The following GTPBP10 variants were observed in gnomAD, a reference collection of about 807,000 sequenced individuals.
GTPBP10 encodes GTP-binding protein 10.
GTPBP10 carries 38 observed loss-of-function variants against 44.8 expected under a neutral mutation model. The ratio of observed to expected loss-of-function variants is 0.85; its 90% CI spans 0.65 to 1.11. The LOEUF (loss-of-function observed/expected upper bound fraction) is 1.11. Ranked by LOEUF, GTPBP10 falls within the 50% of genes most tolerant of loss-of-function variation. The pLI is 0.00. For synonymous variants in GTPBP10, 152 were observed against 150.6 expected (o/e 1.01, Z -0.07); for missense variants, 462 against 453.7 (o/e 1.02, Z -0.17).
At chr7:90,380,708 A>G (rs748237274) in intron 8 of GTPBP10, among the ~76,000 whole-genome samples, 6 of 152,208 alleles carry the variant, frequency 3.9e-5, no homozygotes, top group African/African-American at 1.2e-4. Context: ...TACATTAACT[A>G]TAGTCATCAT....
At chr7:90,384,127 A>G (rs974968350) in intron 9 of GTPBP10, among the ~76,000 whole-genome samples, 1 of 152,168 alleles carries the variant, frequency 6.6e-6, no homozygotes, top group South Asian at 2.1e-4. Flanking sequence ...GTTCTGACCT[A>G]TCGTGAAATA....
Position 90,361,057 on chromosome 7 carries a change from T to C in GTPBP10, c.464+5827T>C, listed in dbSNP as rs575235853. On this transcript the variant is annotated intron_variant, in intron 4 of 9. Transcript: ENST00000222511. ...GGCTGAGACGATGGTGTTTTCTAAATATACAATCTTGTCATCTTCAAACAG... is the reference window on the plus strand; with the variant it reads ...GGCTGAGACGATGGTGTTTTCTAAACATACAATCTTGTCATCTTCAAACAG... Among the ~76,000 whole-genome samples the C allele has an allele frequency of 2.6e-5, 4 of 152,334 alleles. No homozygotes were observed. The East Asian group carries it at 7.7e-4, about 29-fold the overall frequency.
At chr7:90,366,023 A>G (rs530597550) in intron 4 of GTPBP10, among the ~76,000 whole-genome samples, 16 of 152,272 alleles carry the variant, frequency 1.1e-4, no homozygotes, top group African/African-American at 3.8e-4. Flanking sequence ...TGAGATAATC[A>G]TGTGGTTTTT....
chr7:90,360,161 A>G (rs1795986319), intron 4 of GTPBP10, among the ~76,000 whole-genome samples: 1 of 151,858 alleles, frequency 6.6e-6, no homozygotes, highest in Admixed American at 6.6e-5. Context: ...CCATTTGTCA[A>G]TTTTGTCTTT....
rs1796362502 is a variant in GTPBP10, at chr7:90,377,587, A to G, written c.672A>G (p.Ile224Met). Reference sequence around the variant, plus strand: ...TGGGCCACAAATTCCTCAAGCATATAGAAAGAACTAGACAACTACTTTTTG... The same window carrying G: ...TGGGCCACAAATTCCTCAAGCATATGGAAAGAACTAGACAACTACTTTTTG... ...KGMGHKFLKH[I>M]ERTRQLLFVV... is the part of the protein sequence containing the mutation. Residue 224 changes from isoleucine to methionine, a missense_variant, in exon 7 of 10, where the codon ATA becomes ATG. Transcript: ENST00000222511. The G allele has an allele frequency of 1.9e-6, 3 of 1,609,616 alleles. No homozygotes were observed. The highest frequency in any genetic ancestry group is 2.7e-5 in the African/African-American group (2 of 74,836).
chr7:90,377,368 C>A, intron 6 of GTPBP10, 139 bp from the exon 7 acceptor site: 1 of 520,072 alleles, frequency 1.9e-6, no homozygotes, highest in Non-Finnish European at 3.4e-6. Flanking sequence ...TACTCTTATA[C>A]TTGGCTTTTC....
intron 8 of GTPBP10, 104 bp from the exon 9 acceptor site, chr7:90,382,852 G>T (rs1233177820): frequency 1.3e-5 from 8 of 638,514 alleles, no homozygotes; most frequent in Admixed American, 9.2e-5. Flanking sequence ...TTGCATTTCG[G>T]TGATGTGAAT....
chr7:90,384,597 C>CT (rs1292498292), intron 9 of GTPBP10, among the ~76,000 whole-genome samples: 1 of 150,842 alleles, frequency 6.6e-6, no homozygotes, highest in African/African-American at 2.5e-5. Context: ...TTATTTAACC[C>CT]CCCCCACACA....
Position 90,390,348 on chromosome 7 carries a change from A to G in GTPBP10, c.*5194A>G, listed in dbSNP as rs546035155. 1 of 152,338 alleles carries G rather than the reference A, an allele frequency of 6.6e-6. No individual in the cohort carries two copies. Among genetic ancestry groups the G allele is most frequent in the African/African-American group, 2.4e-5 (1 of 41,574 alleles). The allele number at this position is 152,338 out of a possible 1,614,324, so 9.4% of individuals were successfully genotyped here. ...TGTAAGCATGAAAAAGCCAGGGACA[A>G]TTTCAACTACCATTTCTGACCATCA... On this transcript the variant is annotated 3_prime_UTR_variant, in exon 10 of 10. Coordinates refer to ENST00000222511, the MANE Select transcript of GTPBP10 (RefSeq NM_033107.4).
chr7:90,351,304 G>T (rs1004731567), intron 1 of GTPBP10, among the ~76,000 whole-genome samples: 26 of 152,278 alleles, frequency 1.7e-4, no homozygotes, highest in African/African-American at 6.3e-4. Context: ...GTGTGGCCAG[G>T]TGCAGTAGCT....
In GTPBP10 at chr7:90,384,959, C is replaced by G. The variant is rs772885312; in HGVS notation, c.969C>G (p.Pro323=). ...CTGTAGAGTTCCAACATATCATCCC[C>G]ATATCTGCAGTTACTGGAGAAGGAA... ...ERTVEFQHII[P]ISAVTGEGIE... is the part of the protein sequence containing the mutation. The change falls in exon 10 of 10, where the codon CCC becomes CCG. Residue 323 remains proline, a synonymous_variant. Coordinates refer to ENST00000222511, the MANE Select transcript of GTPBP10 (RefSeq NM_033107.4). 1.9e-6 allele frequency: 3 copies of G among 1,611,894 alleles called. No individual in the cohort carries two copies. The African/African-American group carries it at 4.0e-5, about 22-fold the overall frequency.
Position 90,365,368 on chromosome 7 carries a change from CTTTTTTTTTTTTTT to C in GTPBP10, c.465-6775_465-6762del, listed in dbSNP as rs59645149. Among the ~76,000 whole-genome samples the C allele has an allele frequency of 1.1e-4, 10 of 90,364 alleles. No individual in the cohort carries two copies. In the East Asian group the frequency reaches 2.0e-3, roughly 18 times the overall value. The allele number at this position is 90,364 out of a possible 152,430, so 59.3% of individuals were successfully genotyped here. ...TTTTGGACTGAGACTTTGGGGTTTT[CTTTTTTTTTTTTTT>C]TTTTTTTTTTTGAGACGGAGTCTCG... On this transcript the variant is annotated intron_variant, in intron 4 of 9. Coordinates refer to ENST00000222511, the MANE Select transcript of GTPBP10 (RefSeq NM_033107.4).
intron 4 of GTPBP10, among the ~76,000 whole-genome samples, chr7:90,355,530 T>C (rs1424190302): frequency 6.6e-6 from 1 of 152,144 alleles, no homozygotes; most frequent in Non-Finnish European, 1.5e-5. Flanking sequence ...GGTTAAATAA[T>C]GTTACCAGAT....
At chr7:90,363,237 C>T (rs1796063496) in intron 4 of GTPBP10, among the ~76,000 whole-genome samples, 1 of 152,166 alleles carries the variant, frequency 6.6e-6, no homozygotes, top group Admixed American at 6.5e-5. Context: ...CGTTGGTGGT[C>T]TTTACAATTT....
intron 4 of GTPBP10, among the ~76,000 whole-genome samples, chr7:90,361,961 G>A (rs1796030580): frequency 6.6e-6 from 1 of 152,082 alleles, no homozygotes; most frequent in Admixed American, 6.5e-5. Context: ...GTATTTCTGT[G>A]GGATCAGTGG....
chr7:90,350,777 T>C (rs943657966), intron 1 of GTPBP10, among the ~76,000 whole-genome samples: 5 of 152,232 alleles, frequency 3.3e-5, no homozygotes, highest in African/African-American at 1.2e-4. Flanking sequence ...CTGATTCTTA[T>C]TCTGGATTCA....
At chr7:90,365,413 T>A (rs1347828479) in intron 4 of GTPBP10, among the ~76,000 whole-genome samples, 1 of 138,758 alleles carries the variant, frequency 7.2e-6, no homozygotes, top group Non-Finnish European at 1.5e-5. Context: ...TCTCGCTCTG[T>A]CACCCAGGCT....
intron 6 of GTPBP10, among the ~76,000 whole-genome samples, 193 bp downstream of exon 6, chr7:90,374,547 A>G (rs1375999347): frequency 6.6e-6 from 1 of 152,208 alleles, no homozygotes; most frequent in African/African-American, 2.4e-5. Flanking sequence ...TCTTCTTCCA[A>G]AGATTAGGTC....
chr7:90,384,621 A>G (rs1272502343), intron 9 of GTPBP10, among the ~76,000 whole-genome samples: 1 of 150,144 alleles, frequency 6.7e-6, no homozygotes, highest in East Asian at 1.9e-4. Flanking sequence ...AAAATTTATT[A>G]CTTCCTTAAG....
Sources: gnomAD v4.1 joint callset for allele counts (sites outside exome capture counted in the v4.1 genomes callset) on GRCh38, gnomAD v4.1.1 for gene constraint, MANE v1.5 for transcripts, NCBI Gene and HGNC (gene_info 2026-07-23, HGNC 2026-07-21) for gene names.